The following SNN variants were observed in gnomAD, a reference collection of about 807,000 sequenced individuals.
SNN encodes the protein AG8_1.
Under a neutral mutation model 5.3 loss-of-function variants are expected in SNN, and 5 were observed. The observed-to-expected ratio is 0.94, with a 90% CI of 0.49 to 1.97. The LOEUF is 1.97. Among genes scored for constraint, SNN ranks in the 30% most tolerant of loss-of-function variants. The pLI is 0.01. For missense variants in SNN, 127 were observed against 121.6 expected, an observed-to-expected ratio of 1.04 and a Z score of -0.21; for synonymous variants, 67 against 52.1, an observed-to-expected ratio of 1.29 and a Z score of -1.24.
In SNN at chr16:11,671,485, G is replaced by A. The variant is rs188073610; in HGVS notation, c.-86+2945G>A. ...CTCTGGGCTCCCATCCTGCCTTCTG[G>A]CTTTTTGCTTCACCTCCCTGCGTGC... is the stretch of plus-strand genomic sequence containing the variant. On this transcript the variant is annotated intron_variant, in intron 1 of 1. Transcript: ENST00000329565. This position sits in a 1 kb window ranked among gnomAD's most constrained non-coding sequence, Gnocchi z 4.7. 3.0e-4 allele frequency among the ~76,000 whole-genome samples: 46 copies of A among 152,268 alleles called. No homozygotes were observed. Among genetic ancestry groups the A allele is most frequent in the African/African-American group, 1.1e-3 (45 of 41,552 alleles).
In SNN at chr16:11,675,179, A is replaced by G. The variant is rs8191321; in HGVS notation, c.-85-796A>G. Among the ~76,000 whole-genome samples the G allele has an allele frequency of 8.9e-3, 1,349 of 152,112 alleles. 27 individuals carry two copies. The highest frequency in any genetic ancestry group is 0.084 in the South Asian group (406 of 4,806). The stretch of plus-strand genomic sequence containing the variant: ...GTACACCCTCTCACAGGTGTCCCCA[A>G]AGGACCTGCCTGTTCTGTATATGAT... On this transcript the variant is annotated intron_variant, in intron 1 of 1. Transcript: ENST00000329565.
At chr16:11,675,136 G>A (rs1033185676) in intron 1 of SNN, among the ~76,000 whole-genome samples, 6 of 152,154 alleles carry the variant, frequency 3.9e-5, no homozygotes, top group Non-Finnish European at 8.8e-5. Context: ...AGTGCCTGGT[G>A]ACAAAGGCTG....
In SNN at chr16:11,676,230, G is replaced by A; in HGVS notation, c.171G>A (p.Lys57=). 1 of 1,614,236 alleles carries A rather than the reference G, an allele frequency of 6.2e-7. No individual in the cohort carries two copies. Among genetic ancestry groups the A allele is most frequent in the East Asian group, 2.2e-5 (1 of 44,884 alleles). The stretch of plus-strand genomic sequence containing the variant: ...GCATCGTGGGGGATGGGGAGACCAA[G>A]GAACCCTTCCTGCTGGTGCAGTATT... ...EESIVGDGET[K]EPFLLVQYSA... is the part of the protein sequence containing the mutation. Residue 57 remains lysine, a synonymous_variant, in exon 2 of 2, where the codon AAG becomes AAA. Transcript: ENST00000329565.
Position 11,678,972 on chromosome 16 carries a change from A to C in SNN, c.*2646A>C. ...AAAATATGGACTAATTTTTTGGACA[A>C]ATCTTCAAACGGACTGTGCTACTGT... On this transcript the variant is annotated 3_prime_UTR_variant, in exon 2 of 2. Coordinates refer to ENST00000329565, the MANE Select transcript of SNN (RefSeq NM_003498.6). 1 of 555,370 alleles carries C rather than the reference A, an allele frequency of 1.8e-6. No individual in the cohort carries two copies. Among genetic ancestry groups the C allele is most frequent in the Non-Finnish European group, 3.2e-6 (1 of 314,082 alleles). The allele number at this position is 555,370 out of a possible 1,614,324, so 34.4% of individuals were successfully genotyped here.
rs1408579932 is a variant in SNN at position 11,676,288 on chromosome 16, A to C, written c.229A>C (p.Lys77Gln). Residue 77 changes from lysine (K) to glutamine (Q), a missense_variant, in exon 2 of 2, where the codon AAG (lysine) becomes CAG (glutamine). Lys to Gln is a moderately conservative substitution (Grantham distance 53). Transcript: ENST00000329565. Reference protein sequence around the residue: ...AKGPCVERKAKLMTPNGPEVH... With the variant: ...AKGPCVERKAQLMTPNGPEVH... ...GGGACCGTGCGTGGAGAGAAAGGCCAAGCTGATGACTCCCAACGGCCCGGA... is the reference window on the plus strand; with the variant it reads ...GGGACCGTGCGTGGAGAGAAAGGCCCAGCTGATGACTCCCAACGGCCCGGA... The C allele has an allele frequency of 1.2e-6, 2 of 1,614,146 alleles. No homozygotes were observed. Among genetic ancestry groups the C allele is most frequent in the Non-Finnish European group, 1.7e-6 (2 of 1,179,994 alleles).
At chr16:11,669,989 G>T (rs2050257035) in intron 1 of SNN, among the ~76,000 whole-genome samples, 1 of 152,212 alleles carries the variant, frequency 6.6e-6, no homozygotes, top group African/African-American at 2.4e-5. Context: ...GGCCGTTCTT[G>T]GTCCTGGCTT....
In SNN at chr16:11,677,595, AGGTGGTGAGCT is replaced by A. The variant is rs1404629454; in HGVS notation, c.*1275_*1285del. The A allele has an allele frequency of 1.2e-5, 2 of 167,012 alleles. No homozygotes were observed. The highest frequency in any genetic ancestry group is 3.8e-4 in the East Asian group (2 of 5,202). 10.3% of individuals were successfully genotyped at this position (167,012 alleles called of 1,614,324 possible). A position where few individuals can be genotyped will look rare whatever the true frequency, so the allele number is the denominator to read the frequency against. On this transcript the variant is annotated 3_prime_UTR_variant, in exon 2 of 2. Coordinates refer to ENST00000329565, the MANE Select transcript of SNN (RefSeq NM_003498.6). This position sits in a 1 kb window ranked among gnomAD's most constrained non-coding sequence, Gnocchi z 4.2. The stretch of plus-strand genomic sequence containing the variant: ...GAAGTTCAGGACTTGACTCTCCCAC[AGGTGGTGAGCT>A]GGTGGCTCTCTGGTGAGCTAGTGTC...
Position 11,671,839 on chromosome 16 carries a change from G to A in SNN, c.-86+3299G>A, listed in dbSNP as rs543880755. Among the ~76,000 whole-genome samples the A allele has an allele frequency of 1.0e-3, 155 of 152,224 alleles. No homozygotes were observed. The highest frequency in any genetic ancestry group is 3.5e-3 in the African/African-American group (145 of 41,544). ...CTTGTGGGGACCTGCTGCCCTCCGC[G>A]CTTTGAGTTTCCCGGGGCTCTGCTT... On this transcript the variant is annotated intron_variant, in intron 1 of 1. Coordinates refer to ENST00000329565, the MANE Select transcript of SNN (RefSeq NM_003498.6). This position sits in a 1 kb window ranked among gnomAD's most constrained non-coding sequence, Gnocchi z 4.7.
intron 1 of SNN, among the ~76,000 whole-genome samples, chr16:11,674,716 AC>A (rs1241364438): frequency 6.6e-6 from 1 of 151,820 alleles, no homozygotes; most frequent in African/African-American, 2.4e-5. Context: ...TGCCAGGGGG[AC>A]CCTCTCTGCC....
In SNN at chr16:11,676,565, A is replaced by G. The variant is rs1289196591; in HGVS notation, c.*239A>G. The G allele has an allele frequency of 1.1e-5, 6 of 556,576 alleles. No individual in the cohort carries two copies. Among genetic ancestry groups the G allele is most frequent in the Non-Finnish European group, 2.0e-5 (6 of 302,816 alleles). The allele number at this position is 556,576 out of a possible 1,614,324, so 34.5% of individuals were successfully genotyped here. A position where few individuals can be genotyped will look rare whatever the true frequency, so the allele number is the denominator to read the frequency against. On this transcript the variant is annotated 3_prime_UTR_variant, in exon 2 of 2. Coordinates refer to ENST00000329565, the MANE Select transcript of SNN (RefSeq NM_003498.6). ...GGCAGGCCTGACCTTGCTGGGGCTC[A>G]TGGCCCTGTAGCGCTTTTGTTACTT...
At position 11,672,410 on chromosome 16, in the gene SNN, G is replaced by A. The variant is rs558684469; in HGVS notation, c.-85-3565G>A. Among the ~76,000 whole-genome samples the A allele has an allele frequency of 3.9e-5, 6 of 152,138 alleles. No homozygotes were observed. The highest frequency in any genetic ancestry group is 7.4e-5 in the Non-Finnish European group (5 of 68,016). On this transcript the variant is annotated intron_variant, in intron 1 of 1. Transcript: ENST00000329565. The surrounding 1 kb of genome is among the most constrained non-coding windows in gnomAD (Gnocchi z 6.0). ...TCTGGGAGGGCAGCCTGCAAGAGGC[G>A]CCTTCTGAGAAAGTCCCGAATAGGA...
intron 1 of SNN, among the ~76,000 whole-genome samples, chr16:11,673,227 G>A (rs1474103541): frequency 2.0e-5 from 3 of 152,176 alleles, no homozygotes; most frequent in Non-Finnish European, 4.4e-5. Context: ...CCCCTGTCCA[G>A]TCTGGAGGCG....
rs1405042021 is a variant in SNN, at chr16:11,678,565, G to A, written c.*2239G>A. The A allele has an allele frequency of 6.0e-6, 1 of 167,074 alleles. No homozygotes were observed. The highest frequency in any genetic ancestry group is 1.5e-5 in the Non-Finnish European group (1 of 68,212). 10.3% of individuals were successfully genotyped at this position (167,074 alleles called of 1,614,324 possible). On this transcript the variant is annotated 3_prime_UTR_variant, in exon 2 of 2. Transcript: ENST00000329565. Reference sequence around the variant, plus strand: ...CACTTCCTCATCAGTTTCACTTCTGGAGGTTTTCTTATCCTACTCCCTGGT... The same window carrying A: ...CACTTCCTCATCAGTTTCACTTCTGAAGGTTTTCTTATCCTACTCCCTGGT...
rs2050271086 is a variant in SNN at position 11,672,360 on chromosome 16, G to A, written c.-85-3615G>A. On this transcript the variant is annotated intron_variant, in intron 1 of 1. Transcript: ENST00000329565. This position sits in a 1 kb window ranked among gnomAD's most constrained non-coding sequence, Gnocchi z 6.0. ...AAGGCTGTAGTGGTGGGGTGTGGGAGGAGGGGCGCCTGGGTCCAGGGTGGT... is the reference window on the plus strand; with the variant it reads ...AAGGCTGTAGTGGTGGGGTGTGGGAAGAGGGGCGCCTGGGTCCAGGGTGGT... Among the ~76,000 whole-genome samples, 1 of 152,168 alleles carries A rather than the reference G, an allele frequency of 6.6e-6. No homozygotes were observed. The highest frequency in any genetic ancestry group is 1.5e-5 in the Non-Finnish European group (1 of 68,022).
In SNN at chr16:11,676,448, G is replaced by C. The variant is rs2270370; in HGVS notation, c.*122G>C. 32,113 of 1,258,114 alleles carry C rather than the reference G, an allele frequency of 0.026. 1,278 individuals carry two copies. Among genetic ancestry groups the C allele is most frequent in the East Asian group, 0.2 (7,648 of 39,188 alleles). The allele number at this position is 1,258,114 out of a possible 1,614,324, so 77.9% of individuals were successfully genotyped here. ...TGACACTTGCTGGCATGGCCTCTGC[G>C]GGCTTCGTCATCGCATGCACTGATG... On this transcript the variant is annotated 3_prime_UTR_variant, in exon 2 of 2. Transcript: ENST00000329565.
At chr16:11,669,815 C>T (rs1020509903) in intron 1 of SNN, among the ~76,000 whole-genome samples, 5 of 152,156 alleles carry the variant, frequency 3.3e-5, no homozygotes, top group Non-Finnish European at 7.4e-5. Flanking sequence ...CGGTTCAGAG[C>T]TCTGCGGGCT....
chr16:11,669,306 T>C (rs1044099997), intron 1 of SNN, among the ~76,000 whole-genome samples: 18 of 152,014 alleles, frequency 1.2e-4, no homozygotes, highest in Non-Finnish European at 7.4e-5. Context: ...CACCCCTAAG[T>C]CCCCAGCACC....
intron 1 of SNN, among the ~76,000 whole-genome samples, chr16:11,675,041 C>T (rs1328762077): frequency 6.6e-6 from 1 of 152,122 alleles, no homozygotes; most frequent in African/African-American, 2.4e-5. Context: ...GGTTGGCCTC[C>T]GTCCAAACCA....
In SNN at chr16:11,679,109, A is replaced by G; in HGVS notation, c.*2783A>G. 1.4e-6 allele frequency: 2 copies of G among 1,398,072 alleles called. No homozygotes were observed. The highest frequency in any genetic ancestry group is 1.9e-6 in the Non-Finnish European group (2 of 1,029,488). The allele number at this position is 1,398,072 out of a possible 1,614,324, so 86.6% of individuals were successfully genotyped here. On this transcript the variant is annotated 3_prime_UTR_variant, in exon 2 of 2. Coordinates refer to ENST00000329565, the MANE Select transcript of SNN (RefSeq NM_003498.6). The surrounding 1 kb of genome is among the most constrained non-coding windows in gnomAD (Gnocchi z 4.6). ...TTTCTAGACCACTGAGAAAATCTTTATTTACAATAAATTTCAATAAAATTT... is the reference window on the plus strand; with the variant it reads ...TTTCTAGACCACTGAGAAAATCTTTGTTTACAATAAATTTCAATAAAATTT...
Sources: allele counts gnomAD v4.1 joint callset (sites outside exome capture counted in the v4.1 genomes callset), GRCh38; gene constraint gnomAD v4.1.1; non-coding constraint Gnocchi (gnomAD v3.1); transcripts MANE v1.5; gene names NCBI Gene and HGNC (gene_info 2026-07-23, HGNC 2026-07-21).